Variants in SCEL observed in about 807,000 individuals in gnomAD.
SCEL encodes sciellin.
SCEL carries 113 observed loss-of-function variants against 117.6 expected under a neutral mutation model. That is an observed-to-expected ratio of 0.96 (90% CI 0.83 to 1.12). The LOEUF (loss-of-function observed/expected upper bound fraction) is 1.12, where lower values mean the gene tolerates loss of function less well. SCEL is among the 50% of genes most tolerant of loss of function. The pLI is 0.00. For synonymous variants in SCEL, 270 were observed against 256.2 expected (o/e 1.05, Z -0.51); for missense variants, 785 against 810.8 (o/e 0.97, Z 0.39).
Position 77,578,670 on chromosome 13 carries a change from C to T in SCEL, c.545+6481C>T, listed in dbSNP as rs984865352. ...AGTAACACAATGCTAGGTTTTTAAG[C>T]CCAGGGTGATTTTAAGCATGGTAAT... is the stretch of plus-strand genomic sequence containing the variant. On this transcript the variant is annotated intron_variant, in intron 9 of 32. Coordinates refer to ENST00000349847, the MANE Select transcript of SCEL (RefSeq NM_144777.3). 1.0e-3 allele frequency among the ~76,000 whole-genome samples: 159 copies of T among 152,238 alleles called. 1 individual carries two copies. Among genetic ancestry groups the T allele is most frequent in the African/African-American group, 3.5e-3 (146 of 41,550 alleles).
rs527723953 is a variant in SCEL, at chr13:77,618,189, C to A, written c.1628+129C>A. 232 of 737,838 alleles carry A rather than the reference C, an allele frequency of 3.1e-4. 4 individuals are homozygous for A. The South Asian group carries it at 3.7e-3, about 12-fold the overall frequency. 45.7% of individuals were successfully genotyped at this position (737,838 alleles called of 1,614,324 possible). ...TCCTCCCTTCCTCCCTTTTTTCTTTCTTTCCTTCCTTCCTTCCATTTCATT... is the reference window on the plus strand; with the variant it reads ...TCCTCCCTTCCTCCCTTTTTTCTTTATTTCCTTCCTTCCTTCCATTTCATT... On this transcript the variant is annotated intron_variant, in intron 27 of 32. Transcript: ENST00000349847.
chr13:77,605,257 T>A (rs2088064512), intron 19 of SCEL, among the ~76,000 whole-genome samples: 1 of 152,174 alleles, frequency 6.6e-6, no homozygotes, highest in Non-Finnish European at 1.5e-5. Context: ...CAGGCCCAGT[T>A]GGGAGGGCAA....
At chr13:77,611,523 T>A (rs1444639257) in intron 22 of SCEL, among the ~76,000 whole-genome samples, 2 of 152,236 alleles carry the variant, frequency 1.3e-5, no homozygotes, top group Non-Finnish European at 2.9e-5. Context: ...GAAAGACAGT[T>A]GCCTTTTCCC....
chr13:77,636,562 C>T (rs1341692684), intron 29 of SCEL, among the ~76,000 whole-genome samples: 1 of 152,104 alleles, frequency 6.6e-6, no homozygotes, highest in Non-Finnish European at 1.5e-5. Context: ...TATTTGTCTC[C>T]AGGAAATAGT....
At chr13:77,581,090 G>A (rs1210242968) in intron 9 of SCEL, among the ~76,000 whole-genome samples, 1 of 152,094 alleles carries the variant, frequency 6.6e-6, no homozygotes, top group East Asian at 1.9e-4. Context: ...TTGATGTCAT[G>A]CTAAATAAAA....
chr13:77,592,549 C>T (rs868471968), intron 11 of SCEL, among the ~76,000 whole-genome samples: 1 of 148,030 alleles, frequency 6.8e-6, no homozygotes, highest in African/African-American at 2.5e-5. Flanking sequence ...TTCTTTTCTT[C>T]TTCTTCTTCT....
At chr13:77,543,123 G>A (rs1593863326) in intron 1 of SCEL, among the ~76,000 whole-genome samples, 1 of 117,082 alleles carries the variant, frequency 8.5e-6, no homozygotes, top group Non-Finnish European at 1.6e-5. Flanking sequence ...TCGCTCTGTT[G>A]CCCAGGCTGG....
intron 28 of SCEL, among the ~76,000 whole-genome samples, chr13:77,628,620 C>T (rs1232296668): frequency 6.6e-6 from 1 of 152,120 alleles, no homozygotes; most frequent in African/African-American, 2.4e-5. Context: ...CCATGTTTAG[C>T]AATTCTTACC....
At chr13:77,635,736 G>T (rs1384772000) in intron 29 of SCEL, among the ~76,000 whole-genome samples, 1 of 152,110 alleles carries the variant, frequency 6.6e-6, no homozygotes, top group Non-Finnish European at 1.5e-5. Flanking sequence ...GATGACTATG[G>T]TTTATTTTTT....
chr13:77,613,743 A>G, intron 23 of SCEL, 150 bp from the exon 24 acceptor site: 1 of 665,976 alleles, frequency 1.5e-6, no homozygotes, highest in Non-Finnish European at 2.7e-6. Flanking sequence ...TGTTGTGAGG[A>G]TTAAAAAAAT....
chr13:77,630,675 AT>A (rs1567441029), intron 28 of SCEL, among the ~76,000 whole-genome samples: 1 of 152,092 alleles, frequency 6.6e-6, no homozygotes, highest in Non-Finnish European at 1.5e-5. Flanking sequence ...TTTTAGGTAA[AT>A]TTTCAAGGTG....
At position 77,593,517 on chromosome 13, in the gene SCEL, T is replaced by A. The variant is rs370490118; in HGVS notation, c.696T>A (p.Ser232Arg). The change falls in exon 12 of 33, where the codon AGT becomes AGA. Residue 232 changes from serine to arginine, a missense_variant. Coordinates refer to ENST00000349847, the MANE Select transcript of SCEL (RefSeq NM_144777.3). Reference protein sequence around the residue: ...TNRSAERNIRSQDLDNIVKVA... With the variant: ...TNRSAERNIRRQDLDNIVKVA... ...ATTTATTTTTCATTGTTTGAAGGAG[T>A]CAGGATCTTGATAACATCGTCAAAG... 5.6e-6 allele frequency: 9 copies of A among 1,611,046 alleles called. No homozygotes were observed. In the African/African-American group the frequency reaches 9.4e-5, roughly 17 times the overall value.
At chr13:77,617,324 A>G (rs1212839206) in intron 24 of SCEL, among the ~76,000 whole-genome samples, 1 of 152,176 alleles carries the variant, frequency 6.6e-6, no homozygotes, top group Non-Finnish European at 1.5e-5. Flanking sequence ...ACATTCAAGA[A>G]TGAACAATTG....
chr13:77,571,074 C>T (rs1373450334), intron 8 of SCEL, among the ~76,000 whole-genome samples: 3 of 151,492 alleles, frequency 2.0e-5, no homozygotes, highest in Non-Finnish European at 4.4e-5. Flanking sequence ...TCGTGATCCA[C>T]CCGCCTCAGC....
At chr13:77,602,010 G>C in intron 15 of SCEL, 55 bp from the exon 16 acceptor site, 1 of 1,395,522 alleles carries the variant, frequency 7.2e-7, no homozygotes, top group African/African-American at 1.4e-5. Flanking sequence ...ATATATCACT[G>C]AGTTGCTCTT....
chr13:77,543,913 T>C (rs1342290173), intron 1 of SCEL, among the ~76,000 whole-genome samples: 2 of 152,210 alleles, frequency 1.3e-5, no homozygotes, highest in Middle Eastern at 3.2e-3. Flanking sequence ...TCACTAGTTA[T>C]GTAACCTCAG....
chr13:77,603,064 T>G lies in SCEL; in HGVS notation c.1038-12T>G. On this transcript the variant is annotated splice_polypyrimidine_tract_variant and intron_variant, in intron 17 of 32. Coordinates refer to ENST00000349847, the MANE Select transcript of SCEL (RefSeq NM_144777.3). Reference sequence around the variant, plus strand: ...AATGTTTTGAAACTGATATAAACTTTTTTTTTTAAAGAAGTGAAGACCTTG... The same window carrying G: ...AATGTTTTGAAACTGATATAAACTTGTTTTTTTAAAGAAGTGAAGACCTTG... 3 of 1,489,176 alleles carry G rather than the reference T, an allele frequency of 2.0e-6. No individual in the cohort carries two copies. The highest frequency in any genetic ancestry group is 2.7e-6 in the Non-Finnish European group (3 of 1,100,234). The allele number at this position is 1,489,176 out of a possible 1,614,324, so 92.2% of individuals were successfully genotyped here.
At position 77,590,692 on chromosome 13, in the gene SCEL, T is replaced by A. The variant is rs529655443; in HGVS notation, c.627-703T>A. Among the ~76,000 whole-genome samples, 20 of 152,164 alleles carry A rather than the reference T, an allele frequency of 1.3e-4. 1 individual carries two copies. The highest frequency in any genetic ancestry group is 4.8e-4 in the African/African-American group (20 of 41,560). On this transcript the variant is annotated intron_variant, in intron 10 of 32. Transcript: ENST00000349847. ...GGACAACTTGCATGTTTTTTTAAAGTCCTGACTACTTTAATCACAGCAAGA... is the reference window on the plus strand; with the variant it reads ...GGACAACTTGCATGTTTTTTTAAAGACCTGACTACTTTAATCACAGCAAGA...
At chr13:77,562,971 A>G in intron 4 of SCEL, among the ~76,000 whole-genome samples, 1 of 152,222 alleles carries the variant, frequency 6.6e-6, no homozygotes, top group East Asian at 1.9e-4. Context: ...GAATTCTCCA[A>G]AGAGCTTGCT....
Sources: allele counts gnomAD v4.1 joint callset (sites outside exome capture counted in the v4.1 genomes callset), GRCh38; gene constraint gnomAD v4.1.1; transcripts MANE v1.5; gene names NCBI Gene and HGNC (gene_info 2026-07-23, HGNC 2026-07-21).